Variants in SLC2A12 observed in about 807,000 individuals in gnomAD.
The protein encoded by SLC2A12 is solute carrier family 2 member 12.
SLC2A12 carries 23 observed loss-of-function variants against 41.8 expected under a neutral mutation model. The ratio of observed to expected loss-of-function variants is 0.55; its 90% CI spans 0.40 to 0.78. SLC2A12 has a LOEUF of 0.78. Among genes scored for constraint, SLC2A12 ranks in the 30% least tolerant of loss-of-function variants. The pLI, the probability that SLC2A12 is intolerant of heterozygous loss-of-function variation, is 0.00. For missense variants in SLC2A12, 654 were observed against 745.6 expected, an observed-to-expected ratio of 0.88 and a Z score of 1.43; for synonymous variants, 295 against 285.9, an observed-to-expected ratio of 1.03 and a Z score of -0.32.
At chr6:134,001,528 T>C (rs999407680) in intron 4 of SLC2A12, among the ~76,000 whole-genome samples, 2 of 152,222 alleles carry the variant, frequency 1.3e-5, no homozygotes, top group African/African-American at 4.8e-5. Flanking sequence ...TTAATTACAA[T>C]GATGTATTTT....
intron 2 of SLC2A12, among the ~76,000 whole-genome samples, chr6:134,010,093 T>G (rs144652051): frequency 1.3e-5 from 2 of 152,320 alleles, no homozygotes; most frequent in Non-Finnish European, 1.5e-5. Context: ...AAACTCAGTT[T>G]CAGTTCATAA....
chr6:134,011,092 C>T (rs1459066147), intron 2 of SLC2A12, among the ~76,000 whole-genome samples: 1 of 152,158 alleles, frequency 6.6e-6, no homozygotes, highest in East Asian at 1.9e-4. Context: ...GGAGGAAGCT[C>T]TACACTCAGA....
At position 133,991,250 on chromosome 6, in the gene SLC2A12, T is replaced by G; in HGVS notation, c.1759A>C (p.Lys587Gln). Reference sequence around the variant, plus strand: ...TGGGGTTTTCTTTTTTGAGGCTGTTTTGGCACTAATTCTTCTTGGTGATGA... The same window carrying G: ...TGGGGTTTTCTTTTTTGAGGCTGTTGTGGCACTAATTCTTCTTGGTGATGA... Reference protein sequence around the residue: ...MSHHQEELVPKQPQKRKPQEQ... With the variant: ...MSHHQEELVPQQPQKRKPQEQ... Residue 587 changes from lysine to glutamine, a missense_variant, in exon 5 of 5, where the codon AAA becomes CAA. Around this residue, in one of 3 missense-constraint regions of SLC2A12, gnomAD observed 134 missense variants for 180.5 expected, o/e 0.74. Transcript: ENST00000275230. The G allele has an allele frequency of 1.2e-6, 2 of 1,614,130 alleles. No homozygotes were observed. Among genetic ancestry groups the G allele is most frequent in the South Asian group, 1.1e-5 (1 of 91,066 alleles).
At chr6:134,035,745 T>A (rs1777289099) in intron 1 of SLC2A12, among the ~76,000 whole-genome samples, 1 of 152,210 alleles carries the variant, frequency 6.6e-6, no homozygotes, top group African/African-American at 2.4e-5. Context: ...TTGCTAGAAG[T>A]TCAGCAGCAG....
At chr6:134,032,422 ATATT>A (rs1197002725) in intron 1 of SLC2A12, among the ~76,000 whole-genome samples, 3 of 36,494 alleles carry the variant, frequency 8.2e-5, no homozygotes, top group South Asian at 1.2e-3. Flanking sequence ...ATATATATAT[ATATT>A]TATATATATA....
chr6:134,010,121 T>C (rs183600097), intron 2 of SLC2A12, among the ~76,000 whole-genome samples: 12 of 152,334 alleles, frequency 7.9e-5, no homozygotes, highest in Admixed American at 3.9e-4. Flanking sequence ...CTGAAACTCT[T>C]ATTCATTCAT....
chr6:134,051,227 C>T (rs976815060), intron 1 of SLC2A12, among the ~76,000 whole-genome samples: 4 of 152,134 alleles, frequency 2.6e-5, no homozygotes, highest in African/African-American at 9.7e-5. Flanking sequence ...CGCCCGGCCT[C>T]ATTCTTGACG....
In SLC2A12 at chr6:134,033,620, C is replaced by T. The variant is rs549752613; in HGVS notation, c.104-3899G>A. ...GACTGAGTGAAGGACCTGGGAAGGGCATGTGGTGTGACAGAGGGCACCTGG... is the reference window on the plus strand; with the variant it reads ...GACTGAGTGAAGGACCTGGGAAGGGTATGTGGTGTGACAGAGGGCACCTGG... On this transcript the variant is annotated intron_variant, in intron 1 of 4. Transcript: ENST00000275230. Among the ~76,000 whole-genome samples the T allele has an allele frequency of 4.6e-5, 7 of 152,208 alleles. No individual in the cohort carries two copies. The South Asian group carries it at 8.3e-4, about 18-fold the overall frequency.
At chr6:134,022,109 T>TAG (rs540551881) in intron 2 of SLC2A12, among the ~76,000 whole-genome samples, 1,594 of 152,260 alleles carry the variant, frequency 0.01, 12 homozygotes, top group Non-Finnish European at 0.015. Flanking sequence ...GGTGAGATAA[T>TAG]GGAGGGTCTT....
At chr6:134,032,322 T>A (rs1777219111) in intron 1 of SLC2A12, among the ~76,000 whole-genome samples, 1 of 150,512 alleles carries the variant, frequency 6.6e-6, no homozygotes, top group South Asian at 2.1e-4. Context: ...AAACTGAAAT[T>A]AAATCAGCAA....
chr6:134,028,779 A>G lies in SLC2A12; in HGVS notation c.1046T>C (p.Ile349Thr), dbSNP rs200782639. ...CGAAGCTGCCATCACAGAGGAGCCA[A>G]TGCAGAGGAATGTTTTGCTGCCGAC... Reference protein sequence around the residue: ...DHVGSKTFLCIGSSVMAASLV... With the variant: ...DHVGSKTFLCTGSSVMAASLV... The change falls in exon 2 of 5, where the codon ATT becomes ACT. Residue 349 changes from isoleucine to threonine, a missense_variant. Physicochemically the swap from Ile to Thr is moderately conservative, Grantham distance 89. Coordinates refer to ENST00000275230, the MANE Select transcript of SLC2A12 (RefSeq NM_145176.3). 5 of 1,614,208 alleles carry G rather than the reference A, an allele frequency of 3.1e-6. No individual in the cohort carries two copies. The highest frequency in any genetic ancestry group is 1.7e-5 in the Admixed American group (1 of 60,022).
intron 1 of SLC2A12, 145 bp downstream of exon 1, chr6:134,052,233 A>G (rs1403793997): frequency 1.6e-6 from 1 of 608,876 alleles, no homozygotes; most frequent in Non-Finnish European, 2.7e-6. Context: ...CAGCGCGCCC[A>G]CATGCGCGCG....
intron 3 of SLC2A12, among the ~76,000 whole-genome samples, chr6:134,004,774 A>G (rs908785021): frequency 1.3e-5 from 2 of 152,266 alleles, no homozygotes; most frequent in African/African-American, 4.8e-5. Context: ...ACTTCAGGAT[A>G]GCCAAATAGC....
Position 133,989,789 on chromosome 6 carries a change from T to C in SLC2A12, c.*1366A>G, listed in dbSNP as rs1436509796. 6.6e-6 allele frequency: 1 copy of C among 152,220 alleles called. No homozygotes were observed. The highest frequency in any genetic ancestry group is 1.5e-5 in the Non-Finnish European group (1 of 68,026). The allele number at this position is 152,220 out of a possible 1,614,324, so 9.4% of individuals were successfully genotyped here. A position where few individuals can be genotyped will look rare whatever the true frequency, so the allele number is the denominator to read the frequency against. On this transcript the variant is annotated 3_prime_UTR_variant, in exon 5 of 5. Coordinates refer to ENST00000275230, the MANE Select transcript of SLC2A12 (RefSeq NM_145176.3). ...GTTTCCTTATATGACATTGGGACAG[T>C]TTGTTAGGAACCAATAGGAAAATTC... is the stretch of plus-strand genomic sequence containing the variant.
chr6:133,997,190 G>A (rs1776707430), intron 4 of SLC2A12, among the ~76,000 whole-genome samples: 1 of 151,804 alleles, frequency 6.6e-6, no homozygotes, highest in South Asian at 2.1e-4. Context: ...CTGGGAGGCG[G>A]AGCTTACAGT....
At chr6:134,022,266 C>G (rs1777050306) in intron 2 of SLC2A12, among the ~76,000 whole-genome samples, 1 of 152,204 alleles carries the variant, frequency 6.6e-6, no homozygotes, top group Non-Finnish European at 1.5e-5. Flanking sequence ...TTGAATGGCT[C>G]ATGCCTGTAA....
chr6:133,992,897 C>T (rs1776641643), intron 4 of SLC2A12, among the ~76,000 whole-genome samples: 2 of 152,102 alleles, frequency 1.3e-5, no homozygotes, highest in Non-Finnish European at 2.9e-5. Flanking sequence ...CTTTTCTGTT[C>T]CCCTTCACAG....
At chr6:134,029,856 T>C (rs1777177711) in intron 1 of SLC2A12, 135 bp from the exon 2 acceptor site, 1 of 1,126,964 alleles carries the variant, frequency 8.9e-7, no homozygotes, top group Non-Finnish European at 1.2e-6. Flanking sequence ...TATGATAAAA[T>C]AATACACTAA....
chr6:134,006,980 A>C (rs770481139), intron 2 of SLC2A12, 46 bp from the exon 3 acceptor site: 15 of 1,609,590 alleles, frequency 9.3e-6, no homozygotes, highest in Non-Finnish European at 1.2e-5. Flanking sequence ...ATTTAGCAAA[A>C]ACCCATTGAA....
Sources: gnomAD v4.1 joint callset for allele counts (sites outside exome capture counted in the v4.1 genomes callset) on GRCh38, gnomAD v4.1.1 for gene constraint, gnomAD v4.1.1 regional missense constraint, MANE v1.5 for transcripts, NCBI Gene and HGNC (gene_info 2026-07-23, HGNC 2026-07-21) for gene names.